SYNDIG1: variants seen among roughly 807,000 people sequenced by gnomAD.
The protein encoded by SYNDIG1 is synapse differentiation inducing 1, also known as synapse differentiation-inducing gene protein 1.
SYNDIG1 carries 9 observed loss-of-function variants against 19.4 expected under a neutral mutation model. The ratio of observed to expected loss-of-function variants is 0.46; its 90% CI spans 0.28 to 0.81. The LOEUF is 0.81. Ranked by LOEUF, SYNDIG1 falls within the 30% of genes least tolerant of loss-of-function variation. The pLI is 0.12. For missense variants in SYNDIG1, 311 were observed against 343.3 expected (o/e 0.91, Z 0.74); for synonymous variants, 141 against 145.9 (o/e 0.97, Z 0.24).
intron 3 of SYNDIG1, among the ~76,000 whole-genome samples, chr20:24,651,279 AC>A (rs1426383294): frequency 6.6e-6 from 1 of 152,186 alleles, no homozygotes; most frequent in African/African-American, 2.4e-5. Context: ...TCATCTTAGA[AC>A]CATGGCCACA....
chr20:24,531,687 T>C (rs1431943140), intron 1 of SYNDIG1, among the ~76,000 whole-genome samples: 1 of 152,112 alleles, frequency 6.6e-6, no homozygotes, highest in Non-Finnish European at 1.5e-5. Flanking sequence ...GATAGGACCA[T>C]GTATAACTCT....
intron 3 of SYNDIG1, among the ~76,000 whole-genome samples, chr20:24,610,146 A>G (rs902362151): frequency 2.0e-5 from 3 of 152,134 alleles, no homozygotes; most frequent in Admixed American, 2.0e-4. Flanking sequence ...GGAAATTGCA[A>G]TTCTCACCCA....
At chr20:24,655,983 G>T (rs980437948) in intron 3 of SYNDIG1, among the ~76,000 whole-genome samples, 2 of 152,208 alleles carry the variant, frequency 1.3e-5, no homozygotes, top group African/African-American at 4.8e-5. Flanking sequence ...ACACCATCGT[G>T]CGTGTACTAT....
At chr20:24,652,067 T>C (rs1393802247) in intron 3 of SYNDIG1, among the ~76,000 whole-genome samples, 1 of 152,228 alleles carries the variant, frequency 6.6e-6, no homozygotes, top group Non-Finnish European at 1.5e-5. Context: ...ATGGTTGTTG[T>C]TCAAGCCACC....
intron 1 of SYNDIG1, among the ~76,000 whole-genome samples, chr20:24,529,871 G>C (rs1328554321): frequency 2.7e-5 from 4 of 150,812 alleles, no homozygotes; most frequent in African/African-American, 9.7e-5. Flanking sequence ...CAGTGGTGGG[G>C]ATGATGGTGG....
chr20:24,648,984 GA>G (rs1299896106), intron 3 of SYNDIG1, among the ~76,000 whole-genome samples: 1 of 152,212 alleles, frequency 6.6e-6, no homozygotes, highest in Non-Finnish European at 1.5e-5. Context: ...GTTAAGTGTT[GA>G]AAAAAGGTGA....
chr20:24,550,087 A>T (rs558068013), intron 2 of SYNDIG1, among the ~76,000 whole-genome samples: 7 of 152,310 alleles, frequency 4.6e-5, no homozygotes, highest in African/African-American at 1.7e-4. Context: ...AAAAACAGGA[A>T]TGCCTTTTCT....
At chr20:24,556,726 G>C (rs1049873750) in intron 2 of SYNDIG1, among the ~76,000 whole-genome samples, 1 of 152,184 alleles carries the variant, frequency 6.6e-6, no homozygotes, top group Admixed American at 6.6e-5. Context: ...TTTCTCTCTA[G>C]CTGCCCTTAA....
intron 3 of SYNDIG1, among the ~76,000 whole-genome samples, chr20:24,625,921 C>A (rs1296848453): frequency 6.6e-6 from 1 of 152,190 alleles, no homozygotes; most frequent in Non-Finnish European, 1.5e-5. Flanking sequence ...AGGGGCTCCT[C>A]ACTTCCCAGT....
At chr20:24,513,327 A>G (rs79033155) in intron 1 of SYNDIG1, among the ~76,000 whole-genome samples, 1 of 152,236 alleles carries the variant, frequency 6.6e-6, no homozygotes, top group East Asian at 1.9e-4. Context: ...AAACTTCTCC[A>G]AGCTAAATGA....
At chr20:24,523,079 G>C (rs898350391) in intron 1 of SYNDIG1, among the ~76,000 whole-genome samples, 1 of 152,136 alleles carries the variant, frequency 6.6e-6, no homozygotes, top group African/African-American at 2.4e-5. Flanking sequence ...ATTGAGGTTG[G>C]CTGTGTCTTC....
At chr20:24,609,663 T>C (rs2058816278) in intron 3 of SYNDIG1, among the ~76,000 whole-genome samples, 1 of 152,154 alleles carries the variant, frequency 6.6e-6, no homozygotes. Flanking sequence ...AGAGGTGCCT[T>C]TGAGAGCTGG....
intron 3 of SYNDIG1, among the ~76,000 whole-genome samples, chr20:24,655,872 C>T (rs555170025): frequency 1.8e-4 from 28 of 152,084 alleles, no homozygotes; most frequent in African/African-American, 5.8e-4. Context: ...GGAGAATGGA[C>T]GAATAGACTG....
chr20:24,642,758 T>A (rs2059390649), intron 3 of SYNDIG1, among the ~76,000 whole-genome samples: 1 of 152,124 alleles, frequency 6.6e-6, no homozygotes, highest in South Asian at 2.1e-4. Context: ...TTCAGGTTCA[T>A]CTTGTATGCT....
chr20:24,630,710 G>C (rs2059227293), intron 3 of SYNDIG1, among the ~76,000 whole-genome samples: 1 of 152,196 alleles, frequency 6.6e-6, no homozygotes, highest in African/African-American at 2.4e-5. Flanking sequence ...TGCATCCTCA[G>C]AACTTGTCAG....
At position 24,591,751 on chromosome 20, in the gene SYNDIG1, A is replaced by T. The variant is rs2058515195; in HGVS notation, c.618+6758A>T. Among the ~76,000 whole-genome samples, 7 of 152,216 alleles carry T rather than the reference A, an allele frequency of 4.6e-5. 1 individual carries two copies. In the South Asian group the frequency reaches 1.4e-3, roughly 32 times the overall value. On this transcript the variant is annotated intron_variant, in intron 3 of 3. Coordinates refer to ENST00000376862, the MANE Select transcript of SYNDIG1 (RefSeq NM_024893.3). ...GATGAGGTATTAGGCTGCGAGAGTC[A>T]TGTAGCTGTTCCCAGGTCATGCTTC...
At chr20:24,586,718 C>T (rs2058424080) in intron 3 of SYNDIG1, among the ~76,000 whole-genome samples, 1 of 152,176 alleles carries the variant, frequency 6.6e-6, no homozygotes, top group Non-Finnish European at 1.5e-5. Flanking sequence ...GGGGCCCAGC[C>T]GCTGAGGCAT....
chr20:24,652,671 C>G (rs6036859), intron 3 of SYNDIG1, among the ~76,000 whole-genome samples: 1,989 of 152,322 alleles, frequency 0.013, 41 homozygotes, highest in African/African-American at 0.046. Flanking sequence ...ACTCATGGCT[C>G]TAACTGCAAA....
chr20:24,540,383 C>A (rs1363898944), intron 1 of SYNDIG1, among the ~76,000 whole-genome samples: 1 of 152,062 alleles, frequency 6.6e-6, no homozygotes, highest in Non-Finnish European at 1.5e-5. Flanking sequence ...CTTTTTCTTG[C>A]CTAATTTCTC....
Sources: gnomAD v4.1 joint callset for allele counts (sites outside exome capture counted in the v4.1 genomes callset) on GRCh38, gnomAD v4.1.1 for gene constraint, MANE v1.5 for transcripts, NCBI Gene and HGNC (gene_info 2026-07-23, HGNC 2026-07-21) for gene names.